Variants in TTC23L observed in about 807,000 individuals in gnomAD.
TTC23L encodes tetratricopeptide repeat domain 23 like.
A neutral mutation model predicts 48.1 loss-of-function variants in TTC23L; 42 were observed. The observed-to-expected ratio is 0.87, with a 90% confidence interval of 0.68 to 1.13. The LOEUF is 1.13. TTC23L is among the 50% of genes most tolerant of loss of function. The pLI is 0.00. For synonymous variants in TTC23L, 159 were observed against 157.2 expected (o/e 1.01, Z -0.09); for missense variants, 391 against 421.0 (o/e 0.93, Z 0.62).
chr5:34,918,966 T>C, the TTC23L span: 4 of 151,640 alleles, frequency 2.6e-5, no homozygotes, highest in African/African-American at 9.7e-5. Context: ...GCAAGAACAG[T>C]ATGGCCGGGC....
Position 34,846,600 on chromosome 5 carries a change from T to TATATATATATACAC in TTC23L, c.255+928_255+929insTATATATATACACA, listed in dbSNP as rs61009546. On this transcript the variant is annotated intron_variant, in intron 3 of 10. Transcript: ENST00000505624. ...AAATATATATATATATATATATATA[T>TATATATATATACAC]ACACACACATATATATACACACACA... 4.3e-4 allele frequency among the ~76,000 whole-genome samples: 40 copies of TATATATATATACAC among 92,894 alleles called. 1 individual carries two copies. Among genetic ancestry groups the TATATATATATACAC allele is most frequent in the African/African-American group, 2.0e-3 (39 of 19,202 alleles). 60.9% of individuals were successfully genotyped at this position (92,894 alleles called of 152,430 possible). A position where few individuals can be genotyped will look rare whatever the true frequency, so the allele number is the denominator to read the frequency against.
At chr5:34,885,710 G>T (rs1222832351) in intron 9 of TTC23L, among the ~76,000 whole-genome samples, 1 of 151,214 alleles carries the variant, frequency 6.6e-6, no homozygotes, top group Admixed American at 6.6e-5. Flanking sequence ...TCACACCCCT[G>T]CACGCCAGCC....
At chr5:34,893,564 ATTTGAGCT>A (rs914463853) in intron 9 of TTC23L, among the ~76,000 whole-genome samples, 1 of 152,206 alleles carries the variant, frequency 6.6e-6, no homozygotes, top group Non-Finnish European at 1.5e-5. Flanking sequence ...TGGGGCTCAA[ATTTGAGCT>A]TTCCCACTTA....
At chr5:34,858,909 T>C (rs1580439173) in intron 4 of TTC23L, among the ~76,000 whole-genome samples, 1 of 152,198 alleles carries the variant, frequency 6.6e-6, no homozygotes, top group African/African-American at 2.4e-5. Context: ...AGGCCCACAA[T>C]GTGGGGCCTA....
the TTC23L span, among the ~76,000 whole-genome samples, chr5:34,910,035 C>T: frequency 1.3e-5 from 2 of 152,184 alleles, no homozygotes; most frequent in East Asian, 3.9e-4. Flanking sequence ...CTCTCTGACC[C>T]GTCTCATCCA....
At chr5:34,894,338 GTCAT>G (rs1470058649) in intron 9 of TTC23L, among the ~76,000 whole-genome samples, 3 of 152,006 alleles carry the variant, frequency 2.0e-5, no homozygotes, top group South Asian at 2.1e-4. Context: ...ATATAATATG[GTCAT>G]TCAAAGGCAT....
the TTC23L span, among the ~76,000 whole-genome samples, chr5:34,913,193 T>G: frequency 1.3e-5 from 2 of 152,258 alleles, no homozygotes; most frequent in African/African-American, 4.8e-5. Flanking sequence ...TAAAAATATT[T>G]AAGACATGTC....
At chr5:34,887,572 C>A (rs1431830830) in intron 9 of TTC23L, among the ~76,000 whole-genome samples, 1 of 152,086 alleles carries the variant, frequency 6.6e-6, no homozygotes, top group Non-Finnish European at 1.5e-5. Context: ...CCCAGACCAT[C>A]TGAATTAGAA....
At chr5:34,848,337 A>T (rs1759384048) in intron 3 of TTC23L, among the ~76,000 whole-genome samples, 1 of 152,214 alleles carries the variant, frequency 6.6e-6, no homozygotes, top group African/African-American at 2.4e-5. Context: ...GGGGTAGAGG[A>T]TTATTTTCCC....
At chr5:34,840,075 A>G (rs1758485972) in intron 1 of TTC23L, among the ~76,000 whole-genome samples, 1 of 152,172 alleles carries the variant, frequency 6.6e-6, no homozygotes, top group African/African-American at 2.4e-5. Context: ...TATTTTTAGT[A>G]GAGACGGGGT....
chr5:34,925,329 C>G, the TTC23L span: 2 of 1,613,694 alleles, frequency 1.2e-6, no homozygotes, highest in African/African-American at 2.7e-5. Flanking sequence ...ACTCTTCTTC[C>G]ACATGATCCC....
At chr5:34,902,513 C>T, downstream of TTC23L, 1 of 206,816 alleles carries the variant, frequency 4.8e-6, no homozygotes. Context: ...TCAGTGCTTA[C>T]AGAACCACAT....
the TTC23L span, chr5:34,905,566 C>T: frequency 6.4e-5 from 8 of 124,506 alleles, no homozygotes; most frequent in African/African-American, 2.1e-4. Flanking sequence ...ACTACATCAT[C>T]GAATGGGAAA....
At chr5:34,904,015 GAGTGC>G (rs1173452804), downstream of TTC23L, among the ~76,000 whole-genome samples, 2 of 151,678 alleles carry the variant, frequency 1.3e-5, no homozygotes, top group African/African-American at 4.8e-5. Flanking sequence ...TGCCAGACTG[GAGTGC>G]AGTGGCATGA....
the TTC23L span, among the ~76,000 whole-genome samples, chr5:34,904,893 A>AT: frequency 6.6e-6 from 1 of 152,224 alleles, no homozygotes; most frequent in Admixed American, 6.5e-5. Context: ...CTCTGAAATA[A>AT]TTTAGTAAGT....
intron 8 of TTC23L, 88 bp from the exon 9 acceptor site, chr5:34,880,093 G>A (rs1762121015): frequency 5.4e-6 from 8 of 1,476,632 alleles, no homozygotes; most frequent in African/African-American, 4.2e-5. Context: ...TGGACTTTAA[G>A]CATGAAAATG....
At chr5:34,856,034 C>T (rs1760103702) in intron 4 of TTC23L, among the ~76,000 whole-genome samples, 1 of 152,080 alleles carries the variant, frequency 6.6e-6, no homozygotes, top group South Asian at 2.1e-4. Flanking sequence ...GTAGGCAGGA[C>T]ATGGTGTTCG....
At chr5:34,849,833 A>C (rs961755732) in intron 3 of TTC23L, among the ~76,000 whole-genome samples, 1 of 152,132 alleles carries the variant, frequency 6.6e-6, no homozygotes, top group Non-Finnish European at 1.5e-5. Context: ...TTTGTATATT[A>C]ATAAAGTTTT....
the TTC23L span, chr5:34,914,983 A>C: frequency 1.4e-6 from 2 of 1,404,220 alleles, no homozygotes; most frequent in South Asian, 1.2e-5. Flanking sequence ...AGACAGTAAA[A>C]CTCCCATCAG....
Sources: gnomAD v4.1 joint callset for allele counts (sites outside exome capture counted in the v4.1 genomes callset) on GRCh38, gnomAD v4.1.1 for gene constraint, MANE v1.5 for transcripts, NCBI Gene and HGNC (gene_info 2026-07-23, HGNC 2026-07-21) for gene names.